Variants in TRPM6 observed in about 807,000 individuals in gnomAD.
The protein encoded by TRPM6 is transient receptor potential cation channel subfamily M member 6.
A neutral mutation model predicts 247.6 loss-of-function variants in TRPM6; 111 were observed. That is an observed-to-expected ratio of 0.45 (90% confidence interval 0.38 to 0.52). The LOEUF (loss-of-function observed/expected upper bound fraction) is 0.52, where lower values mean the gene tolerates loss of function less well. TRPM6 is among the 20% of genes least tolerant of loss of function. TRPM6 has a pLI of 0.00. For synonymous variants in TRPM6, 892 were observed against 853.8 expected (o/e 1.04, Z -0.78); for missense variants, 2,126 against 2,421.5 (o/e 0.88, Z 2.56).
chr9:74,859,329 C>T (rs1316480596), intron 1 of TRPM6, among the ~76,000 whole-genome samples: 2 of 152,206 alleles, frequency 1.3e-5, no homozygotes, highest in African/African-American at 4.8e-5. Flanking sequence ...CTAATAAACT[C>T]TCTCCCATTC....
chr9:74,820,639 C>T (rs1004716781), intron 8 of TRPM6, among the ~76,000 whole-genome samples: 1 of 152,156 alleles, frequency 6.6e-6, no homozygotes, highest in Non-Finnish European at 1.5e-5. Flanking sequence ...TGATGGCTCA[C>T]ACCTGTAATC....
At position 74,840,405 on chromosome 9, in the gene TRPM6, G is replaced by T. The variant is rs554615524; in HGVS notation, c.331-168C>A. 2.6e-5 allele frequency among the ~76,000 whole-genome samples: 4 copies of T among 152,292 alleles called. No homozygotes were observed. In the East Asian group the frequency reaches 7.7e-4, roughly 29 times the overall value. ...GTAATGGAAATATTTACTTTTAAAAGATTCCACACTCCCATTAAGTTCCTT... is the reference window on the plus strand; with the variant it reads ...GTAATGGAAATATTTACTTTTAAAATATTCCACACTCCCATTAAGTTCCTT... On this transcript the variant is annotated intron_variant, in intron 4 of 38. Transcript: ENST00000360774.
At chr9:74,747,050 T>G (rs1014010834) in intron 31 of TRPM6, among the ~76,000 whole-genome samples, 3 of 152,008 alleles carry the variant, frequency 2.0e-5, no homozygotes, top group African/African-American at 7.2e-5. Context: ...GAAGGAAAAA[T>G]GGCCAATATC....
intron 1 of TRPM6, among the ~76,000 whole-genome samples, chr9:74,871,952 C>T (rs911171939): frequency 6.6e-6 from 1 of 151,522 alleles, no homozygotes; most frequent in Non-Finnish European, 1.5e-5. Context: ...TCCTGGGTTC[C>T]AGCAATTCTC....
In TRPM6 at chr9:74,842,277, G is replaced by A. The variant is rs141754001; in HGVS notation, c.219C>T (p.Ala73=). The part of the protein sequence containing the change: ...GIDYSWTISA[A]KGKESEQWSV... ...ACCATTGTTCACTTTCTTTACCCTT[G>A]GCAGCTGAGATGGTCCAGGAATAAT... Residue 73 remains alanine, a synonymous_variant, in exon 4 of 39, where the codon GCC becomes GCT. Coordinates refer to ENST00000360774, the MANE Select transcript of TRPM6 (RefSeq NM_017662.5). The A allele has an allele frequency of 6.2e-7, 1 of 1,613,916 alleles. No individual in the cohort carries two copies. The highest frequency in any genetic ancestry group is 8.5e-7 in the Non-Finnish European group (1 of 1,180,016).
intron 30 of TRPM6, 21 bp from the exon 31 acceptor site, chr9:74,747,935 G>A (rs981080704): frequency 3.1e-6 from 5 of 1,609,514 alleles, no homozygotes; most frequent in Non-Finnish European, 4.2e-6. Flanking sequence ...AAAAAATGAA[G>A]TTGTTTAGAT....
chr9:74,828,838 C>A (rs560199683), intron 6 of TRPM6, among the ~76,000 whole-genome samples: 3 of 151,882 alleles, frequency 2.0e-5, no homozygotes, highest in African/African-American at 7.2e-5. Flanking sequence ...GCCCAGCCTT[C>A]GTTTTCATTT....
At chr9:74,833,067 A>T (rs1037450916) in intron 6 of TRPM6, among the ~76,000 whole-genome samples, 11 of 152,148 alleles carry the variant, frequency 7.2e-5, no homozygotes, top group African/African-American at 2.7e-4. Context: ...AAAAAAAAAA[A>T]ATTTAAAACA....
chr9:74,866,052 G>C (rs1449485066), intron 1 of TRPM6, among the ~76,000 whole-genome samples: 8 of 152,200 alleles, frequency 5.3e-5, no homozygotes, highest in Admixed American at 5.2e-4. Context: ...TAGAATCCCA[G>C]CACTTTGGGA....
chr9:74,747,878 GA>G lies in TRPM6; in HGVS notation c.5083+10del, dbSNP rs766931515. ...AAATAAAAAATAAAATGTTTAAACAGAAAAACTTACTGTCAACTCCAATTGA... is the reference window on the plus strand; with the variant it reads ...AAATAAAAAATAAAATGTTTAAACAGAAAACTTACTGTCAACTCCAATTGA... On this transcript the variant is annotated intron_variant, in intron 31 of 38. Transcript: ENST00000360774. The G allele has an allele frequency of 1.9e-6, 3 of 1,602,564 alleles. No individual in the cohort carries two copies. The highest frequency in any genetic ancestry group is 2.6e-6 in the Non-Finnish European group (3 of 1,172,864).
intron 23 of TRPM6, among the ~76,000 whole-genome samples, chr9:74,779,980 T>C (rs2118911989): frequency 6.6e-6 from 1 of 151,482 alleles, no homozygotes; most frequent in South Asian, 2.1e-4. Flanking sequence ...AAGACCAGCC[T>C]GGCCAATATG....
intron 36 of TRPM6, among the ~76,000 whole-genome samples, chr9:74,737,187 T>C (rs2118724984): frequency 6.6e-6 from 1 of 151,402 alleles, no homozygotes; most frequent in East Asian, 1.9e-4. Context: ...TCCTAAAATA[T>C]TGGGTTTGAA....
At chr9:74,783,060 T>C (rs186733277) in intron 21 of TRPM6, among the ~76,000 whole-genome samples, 19 of 152,326 alleles carry the variant, frequency 1.2e-4, no homozygotes, top group African/African-American at 3.4e-4. Flanking sequence ...ACTTGGTCTA[T>C]GGAATAATAT....
At chr9:74,725,865 T>C (rs1411076329) in intron 38 of TRPM6, among the ~76,000 whole-genome samples, 1 of 152,162 alleles carries the variant, frequency 6.6e-6, no homozygotes, top group South Asian at 2.1e-4. Flanking sequence ...TCACACAAAC[T>C]TTATGAAACA....
intron 3 of TRPM6, among the ~76,000 whole-genome samples, chr9:74,844,512 T>A (rs1830045751): frequency 6.6e-6 from 1 of 152,206 alleles, no homozygotes; most frequent in South Asian, 2.1e-4. Flanking sequence ...TGAACCAACA[T>A]CTGCTAGGTT....
chr9:74,741,678 T>G (rs1825868804), intron 33 of TRPM6, among the ~76,000 whole-genome samples: 1 of 151,686 alleles, frequency 6.6e-6, no homozygotes, highest in Non-Finnish European at 1.5e-5. Context: ...TCACCTGAGG[T>G]TAGGAGTTTG....
chr9:74,758,965 T>C (rs745539457), intron 27 of TRPM6, among the ~76,000 whole-genome samples: 2 of 152,128 alleles, frequency 1.3e-5, no homozygotes, highest in African/African-American at 2.4e-5. Flanking sequence ...AAAATTTCTA[T>C]ATACCATAAA....
chr9:74,769,491 G>T (rs1473629205), intron 25 of TRPM6, among the ~76,000 whole-genome samples: 1 of 152,096 alleles, frequency 6.6e-6, no homozygotes, highest in Non-Finnish European at 1.5e-5. Flanking sequence ...TGGCATGGTG[G>T]CTCATGCCTG....
chr9:74,877,698 C>G lies in TRPM6; in HGVS notation c.33+10126G>C, dbSNP rs547286722. Among the ~76,000 whole-genome samples, 179 of 152,280 alleles carry G rather than the reference C, an allele frequency of 1.2e-3. 1 individual carries two copies. The highest frequency in any genetic ancestry group is 2.0e-3 in the Non-Finnish European group (139 of 68,006). ...CATGCTCCATATTGGGGTCACCACACATTTAAAAATGCCCTGAGGAAAGGC... is the reference window on the plus strand; with the variant it reads ...CATGCTCCATATTGGGGTCACCACAGATTTAAAAATGCCCTGAGGAAAGGC... On this transcript the variant is annotated intron_variant, in intron 1 of 38. Coordinates refer to ENST00000360774, the MANE Select transcript of TRPM6 (RefSeq NM_017662.5).
Sources: gnomAD v4.1 joint callset for allele counts (sites outside exome capture counted in the v4.1 genomes callset) on GRCh38, gnomAD v4.1.1 for gene constraint, MANE v1.5 for transcripts, NCBI Gene and HGNC (gene_info 2026-07-23, HGNC 2026-07-21) for gene names.